The following PTCH1 variants were observed in gnomAD, a reference collection of about 807,000 sequenced individuals.
PTCH1 encodes protein patched homolog 1.
Under a neutral mutation model 144.6 loss-of-function variants are expected in PTCH1, and 14 were observed. The ratio of observed to expected loss-of-function variants is 0.10; its 90% confidence interval spans 0.06 to 0.15. The LOEUF (loss-of-function observed/expected upper bound fraction) is 0.15. Among genes scored for constraint, PTCH1 ranks in the 10% least tolerant of loss-of-function variants. The pLI, the probability that PTCH1 is intolerant of heterozygous loss-of-function variation, is 1.00. For synonymous variants in PTCH1, 833 were observed against 793.6 expected (o/e 1.05, Z -0.83); for missense variants, 1,623 against 1,948.3 (o/e 0.83, Z 3.14).
rs552921967 is a variant in PTCH1 at position 95,447,096 on chromosome 9, G to C, written c.4160C>G (p.Pro1387Arg). Residue 1387 changes from proline to arginine, a missense_variant, in exon 23 of 24, where the codon CCT becomes CGT. Pro to Arg is a moderately radical substitution (Grantham distance 103). This residue lies in a region of PTCH1 where 291 missense variants were observed against 287.4 expected (regional missense o/e 1.01). Coordinates refer to ENST00000331920, the MANE Select transcript of PTCH1 (RefSeq NM_000264.5). ...CCCTCGGGGGTTCCGCCCAGGCCCA[G>C]GGACAGGCGGCGGGTGCACGGCGAC... ...VTVAVHPPPV[P>R]GPGRNPRGGL... 1 of 1,613,806 alleles carries C rather than the reference G, an allele frequency of 6.2e-7. No individual in the cohort carries two copies. The highest frequency in any genetic ancestry group is 1.1e-5 in the South Asian group (1 of 91,078).
In PTCH1 at chr9:95,447,305, T is replaced by C. The variant is rs1211632031; in HGVS notation, c.3951A>G (p.Arg1317=). 4.3e-6 allele frequency: 7 copies of C among 1,612,712 alleles called. No homozygotes were observed. The highest frequency in any genetic ancestry group is 5.9e-6 in the Non-Finnish European group (7 of 1,179,842). Residue 1317 remains arginine (R), a synonymous_variant, in exon 23 of 24, where the codon AGA becomes AGG. Coordinates refer to ENST00000331920, the MANE Select transcript of PTCH1 (RefSeq NM_000264.5). ...PREGLWPPPY[R]PRRDAFEIST... is the part of the protein sequence containing the mutation. Reference sequence around the variant, plus strand: ...AAATTTCAAAAGCGTCTCTGCGCGGTCTGTAGGGGGGTGGCCACAAGCCTT... The same window carrying C: ...AAATTTCAAAAGCGTCTCTGCGCGGCCTGTAGGGGGGTGGCCACAAGCCTT...
Position 95,449,487 on chromosome 9 carries a change from A to AGGT in PTCH1, c.3550-167_3550-165dup. On this transcript the variant is annotated intron_variant, in intron 21 of 23. Coordinates refer to ENST00000331920, the MANE Select transcript of PTCH1 (RefSeq NM_000264.5). This position sits in a 1 kb window ranked among gnomAD's most constrained non-coding sequence, Gnocchi z 5.3. The stretch of plus-strand genomic sequence containing the variant: ...CTTCTCTACCACCTGGAGGACCTTC[A>AGGT]GGTCCCGCAGCTGGAGCAGAAGAAC... 1 of 954,754 alleles carries AGGT rather than the reference A, an allele frequency of 1.0e-6. No homozygotes were observed. The highest frequency in any genetic ancestry group is 1.6e-6 in the Non-Finnish European group (1 of 631,260). The allele number at this position is 954,754 out of a possible 1,614,324, so 59.1% of individuals were successfully genotyped here.
intron 12 of PTCH1, among the ~76,000 whole-genome samples, chr9:95,475,118 T>C (rs1211208724): frequency 6.6e-6 from 1 of 152,234 alleles, no homozygotes; most frequent in African/African-American, 2.4e-5. Flanking sequence ...CTTTACTGGC[T>C]GCAGTAACTA....
Position 95,505,313 on chromosome 9 carries a change from T to C in PTCH1, c.394+1094A>G, listed in dbSNP as rs78882296. On this transcript the variant is annotated intron_variant, in intron 2 of 23. Coordinates refer to ENST00000331920, the MANE Select transcript of PTCH1 (RefSeq NM_000264.5). The stretch of plus-strand genomic sequence containing the variant: ...TCCAGGTATTTTGGTTTGAATTATC[T>C]ACCTAGTCACCTCTACCCTCCCCTA... Among the ~76,000 whole-genome samples the C allele has an allele frequency of 2.0e-5, 3 of 152,212 alleles. No homozygotes were observed. In the East Asian group the frequency reaches 5.8e-4, roughly 29 times the overall value.
intron 3 of PTCH1, chr9:95,483,135 C>T (rs528498687): frequency 1.3e-5 from 2 of 151,624 alleles, no homozygotes; most frequent in African/African-American, 4.8e-5. Flanking sequence ...AGGCGTGGTG[C>T]CACACATATA....
rs769175073 is a variant in PTCH1 at position 95,447,067 on chromosome 9, GT to G, written c.4188del (p.Leu1397SerfsTer55). ...TCAGTCTCAGGGTAGCCTGGGCAGA[GT>G]CCCCCTCGGGGGTTCCGCCCAGGCC... ...VPGPGRNPRGGLCPGYPETDH... is the reference protein window; with the variant it reads ...VPGPGRNPRGXLCPGYPETDH... On this transcript the variant is annotated frameshift_variant, in exon 23 of 24. Coordinates refer to ENST00000331920, the MANE Select transcript of PTCH1 (RefSeq NM_000264.5). LOFTEE classifies it high-confidence loss of function. The G allele has an allele frequency of 6.2e-7, 1 of 1,614,076 alleles. No homozygotes were observed. The highest frequency in any genetic ancestry group is 8.5e-7 in the Non-Finnish European group (1 of 1,180,014).
intron 23 of PTCH1, 156 bp downstream of exon 23, chr9:95,446,755 A>G (rs1837931917): frequency 4.2e-6 from 4 of 943,972 alleles, no homozygotes; most frequent in Admixed American, 2.0e-5. Flanking sequence ...GCTTGGACAC[A>G]TCAGCCTTGC....
At chr9:95,508,138 G>C (rs1483468536) in intron 1 of PTCH1, 23 bp downstream of exon 1, 1 of 1,612,046 alleles carries the variant, frequency 6.2e-7, no homozygotes, top group East Asian at 2.2e-5. Flanking sequence ...AGAGAAAGTG[G>C]GAGGAGAGAG....
intron 15 of PTCH1, among the ~76,000 whole-genome samples, chr9:95,464,900 C>A (rs1224529849): frequency 8.5e-5 from 13 of 152,104 alleles, no homozygotes; most frequent in African/African-American, 3.1e-4. Context: ...GCCTGAAAAA[C>A]GTGTAGGCAG....
chr9:95,510,121 A>T (rs879730709), upstream of PTCH1, among the ~76,000 whole-genome samples: 2 of 152,206 alleles, frequency 1.3e-5, no homozygotes, highest in East Asian at 3.8e-4. Context: ...CGAATGTGAC[A>T]TAAGTAAAAG....
In PTCH1 at chr9:95,508,901, G is replaced by A; in HGVS notation, c.-540C>T. 4 of 896,920 alleles carry A rather than the reference G, an allele frequency of 4.5e-6. No individual in the cohort carries two copies. Among genetic ancestry groups the A allele is most frequent in the Non-Finnish European group, 5.3e-6 (4 of 749,856 alleles). 55.6% of individuals were successfully genotyped at this position (896,920 alleles called of 1,614,324 possible). On this transcript the variant is annotated 5_prime_UTR_variant, in exon 1 of 24. Coordinates refer to ENST00000331920, the MANE Select transcript of PTCH1 (RefSeq NM_000264.5). ...GAGCCGCCGCCGCCGCGGGGTCCGA[G>A]GGTGCCCGGCGGGTCTCAGCGCTGC...
chr9:95,507,021 A>G lies in PTCH1; in HGVS notation c.202-422T>C, dbSNP rs541431694. 13 of 990,822 alleles carry G rather than the reference A, an allele frequency of 1.3e-5. No individual in the cohort carries two copies. In the Admixed American group the frequency reaches 3.1e-4, roughly 23 times the overall value. The allele number at this position is 990,822 out of a possible 1,614,324, so 61.4% of individuals were successfully genotyped here. ...CCAGCAAACCAGTCCTGCTCTGTCC[A>G]TCACCCTCGGGGACGGGCGCTAGGG... On this transcript the variant is annotated intron_variant, in intron 1 of 23. Transcript: ENST00000331920.
intron 2 of PTCH1, among the ~76,000 whole-genome samples, chr9:95,495,942 G>T (rs1357851709): frequency 6.6e-6 from 1 of 152,184 alleles, no homozygotes; most frequent in Non-Finnish European, 1.5e-5. Flanking sequence ...GCAAGTGTGT[G>T]TGAGTGTGTG....
upstream of PTCH1, among the ~76,000 whole-genome samples, chr9:95,510,526 G>C (rs1036151187): frequency 6.6e-6 from 1 of 152,134 alleles, no homozygotes; most frequent in Non-Finnish European, 1.5e-5. Context: ...TTTGTTTTCG[G>C]AAAGTGGAAT....
rs1837729772 is a variant in PTCH1, at chr9:95,444,585, G to C, written c.*1808C>G. On this transcript the variant is annotated 3_prime_UTR_variant, in exon 24 of 24. Coordinates refer to ENST00000331920, the MANE Select transcript of PTCH1 (RefSeq NM_000264.5). The stretch of plus-strand genomic sequence containing the variant: ...CTTAAAAGTTTTGTGGTGAGTATCA[G>C]GGTCTGAGGTCACTATGCTGTGGGT... The C allele has an allele frequency of 6.6e-6, 1 of 152,426 alleles. No homozygotes were observed. The allele number at this position is 152,426 out of a possible 1,614,324, so 9.4% of individuals were successfully genotyped here. A position where few individuals can be genotyped will look rare whatever the true frequency, so the allele number is the denominator to read the frequency against.
rs752658093 is a variant in PTCH1 at position 95,461,880 on chromosome 9, G to A, written c.2679C>T (p.Arg893=). 34 of 1,614,124 alleles carry A rather than the reference G, an allele frequency of 2.1e-5. No homozygotes were observed. The highest frequency in any genetic ancestry group is 3.3e-5 in the Admixed American group (2 of 60,014). The change falls in exon 16 of 24, where the codon CGC becomes CGT. Residue 893 remains arginine, a synonymous_variant. Transcript: ENST00000331920. ...CCTGGCTGATGTCGATGGGCTTATCGCGGCTGCCGGTTTGCACCAGGAGTT... is the reference window on the plus strand; with the variant it reads ...CCTGGCTGATGTCGATGGGCTTATCACGGCTGCCGGTTTGCACCAGGAGTT... ...AYKLLVQTGS[R]DKPIDISQLT...
At chr9:95,453,730 T>C in intron 19 of PTCH1, 110 bp from the exon 20 acceptor site, 1 of 1,454,840 alleles carries the variant, frequency 6.9e-7, no homozygotes, top group Non-Finnish European at 9.4e-7. Flanking sequence ...CTTACTGTTT[T>C]AGTTGCTAGA....
chr9:95,516,628 C>T (rs1224379588), exon 1 of PTCH1: 5 of 1,608,290 alleles, frequency 3.1e-6, no homozygotes, highest in African/African-American at 1.3e-5. Context: ...CTTGCCTTGT[C>T]GCTGCGGGTC....
chr9:95,509,178 G>A lies in PTCH1; in HGVS notation c.-817C>T, dbSNP rs539779754. ...TGTGCAGCGGGCAGCGGCCGCAGCA[G>A]CTCCTTGATTCAATAGATGAGATGG... On this transcript the variant is annotated 5_prime_UTR_variant, in exon 1 of 24. Transcript: ENST00000331920. Among the ~76,000 whole-genome samples the A allele has an allele frequency of 6.2e-4, 93 of 151,008 alleles. No homozygotes were observed. The highest frequency in any genetic ancestry group is 4.0e-3 in the South Asian group (19 of 4,772).
Sources: gnomAD v4.1 joint callset for allele counts (sites outside exome capture counted in the v4.1 genomes callset) on GRCh38, gnomAD v4.1.1 for gene constraint, gnomAD v4.1.1 regional missense constraint, Gnocchi (gnomAD v3.1) non-coding constraint, MANE v1.5 for transcripts, NCBI Gene and HGNC (gene_info 2026-07-23, HGNC 2026-07-21) for gene names.